Variants in PCDHA5 observed in about 807,000 individuals in gnomAD.
The protein encoded by PCDHA5 is protocadherin alpha 5, also known as protocadherin alpha-5.
A neutral mutation model predicts 61.6 loss-of-function variants in PCDHA5; 43 were observed. That is an observed-to-expected ratio of 0.70 (90% confidence interval 0.55 to 0.90). PCDHA5 has a LOEUF of 0.90. Ranked by LOEUF, PCDHA5 falls within the 40% of genes least tolerant of loss-of-function variation. The probability of loss-of-function intolerance (pLI) is 0.00; values close to 1 mark genes in which losing one functional copy is unlikely to be tolerated. For missense variants in PCDHA5, 1,298 were observed against 1,222.7 expected, an observed-to-expected ratio of 1.06 and a Z score of -0.92; for synonymous variants, 627 against 543.9, an observed-to-expected ratio of 1.15 and a Z score of -2.13.
intron 3 of PCDHA5, among the ~76,000 whole-genome samples, chr5:141,000,343 C>G (rs1410684542): frequency 1.7e-5 from 2 of 116,202 alleles, no homozygotes; most frequent in Admixed American, 9.0e-5. Context: ...GGCCCTATCT[C>G]TCTCTCTGTC....
chr5:140,937,916 A>T (rs903757303), intron 1 of PCDHA5, among the ~76,000 whole-genome samples: 37 of 152,106 alleles, frequency 2.4e-4, no homozygotes, highest in Non-Finnish European at 1.8e-4. Flanking sequence ...CGTCTCAAAA[A>T]AAAAAAAAAA....
At chr5:140,906,821 G>A (rs1354317622) in intron 1 of PCDHA5, among the ~76,000 whole-genome samples, 7 of 152,220 alleles carry the variant, frequency 4.6e-5, no homozygotes, top group Non-Finnish European at 7.3e-5. Flanking sequence ...CCACTGTGGA[G>A]TAGTAGACTG....
chr5:140,939,280 C>T (rs985518425), intron 1 of PCDHA5, among the ~76,000 whole-genome samples: 1 of 152,064 alleles, frequency 6.6e-6, no homozygotes, highest in Non-Finnish European at 1.5e-5. Flanking sequence ...GCTGTGCCCT[C>T]GTGATCTAAT....
chr5:140,882,161 T>C (rs1235221234), intron 1 of PCDHA5: 1 of 1,509,194 alleles, frequency 6.6e-7, no homozygotes, highest in African/African-American at 1.4e-5. Flanking sequence ...GGAATACCTC[T>C]TGCGAATCCT....
chr5:140,968,134 G>C, intron 1 of PCDHA5: 1 of 1,614,146 alleles, frequency 6.2e-7, no homozygotes, highest in Non-Finnish European at 8.5e-7. Context: ...GTACACTGAA[G>C]GTTGAGATCT....
chr5:140,894,584 T>G (rs1554186162), intron 1 of PCDHA5, among the ~76,000 whole-genome samples: 1 of 152,006 alleles, frequency 6.6e-6, no homozygotes, highest in Non-Finnish European at 1.5e-5. Flanking sequence ...TTTTAATATT[T>G]TACTGAGTTT....
chr5:140,976,788 G>A (rs969853431), intron 1 of PCDHA5, among the ~76,000 whole-genome samples: 4 of 152,218 alleles, frequency 2.6e-5, no homozygotes, highest in Middle Eastern at 3.4e-3. Flanking sequence ...ATATAGCTAC[G>A]CTTTTATGAA....
intron 1 of PCDHA5, among the ~76,000 whole-genome samples, chr5:140,902,712 C>T (rs1207971068): frequency 6.6e-6 from 1 of 152,008 alleles, no homozygotes; most frequent in African/African-American, 2.4e-5. Flanking sequence ...CTTTCACTCC[C>T]CTCCCACCCT....
chr5:140,994,568 G>T (rs1240135648), intron 3 of PCDHA5, among the ~76,000 whole-genome samples: 1 of 151,992 alleles, frequency 6.6e-6, no homozygotes, highest in Non-Finnish European at 1.5e-5. Context: ...AGCCGGGTGT[G>T]GTGGCATGCA....
In PCDHA5 at chr5:140,823,918, C is replaced by A. The variant is rs2150130330; in HGVS notation, c.2143C>A (p.Leu715Met). Residue 715 changes from leucine (L) to methionine (M), a missense_variant, in exon 1 of 4, where the codon CTG becomes ATG. By Grantham distance (15) the Leu-to-Met change is conservative (BLOSUM62 2). Transcript: ENST00000529859. ...AVSSLLVLTL[L>M]LYTALRCSAQ... ...GTCCAGCCTGCTGGTGCTCACGCTG[C>A]TGCTGTACACCGCGCTGCGGTGCTC... The A allele has an allele frequency of 1.9e-6, 3 of 1,614,018 alleles. No homozygotes were observed. The highest frequency in any genetic ancestry group is 2.5e-6 in the Non-Finnish European group (3 of 1,179,954).
At chr5:140,879,805 A>T (rs992856039) in intron 1 of PCDHA5, among the ~76,000 whole-genome samples, 2 of 152,128 alleles carry the variant, frequency 1.3e-5, no homozygotes, top group Non-Finnish European at 1.5e-5. Context: ...TCCAGTTTCT[A>T]TTGGCTGTTG....
At chr5:140,843,673 T>C (rs1779033196) in intron 1 of PCDHA5, 1 of 1,592,546 alleles carries the variant, frequency 6.3e-7, no homozygotes, top group South Asian at 1.1e-5. Flanking sequence ...GATCAGTTGA[T>C]GTAGGCGAAG....
intron 1 of PCDHA5, among the ~76,000 whole-genome samples, chr5:140,894,069 T>C (rs1209752630): frequency 2.6e-5 from 4 of 152,196 alleles, no homozygotes; most frequent in African/African-American, 9.6e-5. Flanking sequence ...TTTAAATACA[T>C]TTATTTTATT....
chr5:140,859,468 C>T, intron 1 of PCDHA5: 1 of 211,932 alleles, frequency 4.7e-6, no homozygotes, highest in Non-Finnish European at 9.2e-6. Flanking sequence ...ACTACACTAT[C>T]AATTGTGTTT....
chr5:140,933,211 CTG>C (rs1491057503), intron 1 of PCDHA5, among the ~76,000 whole-genome samples: 2 of 151,532 alleles, frequency 1.3e-5, no homozygotes, highest in Non-Finnish European at 3.0e-5. Context: ...AATTACATGT[CTG>C]TTATATTGCA....
chr5:140,898,505 T>A (rs1367691811), intron 1 of PCDHA5, among the ~76,000 whole-genome samples: 1 of 152,202 alleles, frequency 6.6e-6, no homozygotes, highest in East Asian at 1.9e-4. Flanking sequence ...GTTGTAGATA[T>A]GCGGCGTTAT....
At chr5:140,922,210 A>AAC (rs2080722350) in intron 1 of PCDHA5, among the ~76,000 whole-genome samples, 2 of 152,232 alleles carry the variant, frequency 1.3e-5, no homozygotes, top group Admixed American at 1.3e-4. Context: ...GAAACTTTGT[A>AAC]AAACATTTGA....
chr5:140,824,025 G>C lies in PCDHA5; in HGVS notation c.2250G>C (p.Ser750=). 2 of 1,614,138 alleles carry C rather than the reference G, an allele frequency of 1.2e-6. No individual in the cohort carries two copies. The highest frequency in any genetic ancestry group is 1.7e-6 in the Non-Finnish European group (2 of 1,180,020). Residue 750 remains serine, a synonymous_variant, in exon 1 of 4, where the codon TCG becomes TCC. Transcript: ENST00000529859. ...GCGCGGTGGGGAGCTGGTCGTACTC[G>C]CAGCAGAGGAGACAGAGGGTGTGCT... is the stretch of plus-strand genomic sequence containing the variant. The part of the protein sequence containing the change: ...CSSAVGSWSY[S]QQRRQRVCSG...
chr5:140,862,824 G>A, intron 1 of PCDHA5: 1 of 571,890 alleles, frequency 1.7e-6, no homozygotes, highest in Non-Finnish European at 3.4e-6. Context: ...AGGTGAGAGC[G>A]CGCGACGCGG....
Sources: allele counts gnomAD v4.1 joint callset (sites outside exome capture counted in the v4.1 genomes callset), GRCh38; gene constraint gnomAD v4.1.1; transcripts MANE v1.5; gene names NCBI Gene and HGNC (gene_info 2026-07-23, HGNC 2026-07-21).